Variants in CSMD1 observed in about 807,000 individuals in gnomAD.
The protein encoded by CSMD1 is CUB and sushi domain-containing protein 1.
Under a neutral mutation model 417.5 loss-of-function variants are expected in CSMD1, and 213 were observed. The observed-to-expected ratio is 0.51, with a 90% CI of 0.46 to 0.57. CSMD1 has a LOEUF of 0.57. Among genes scored for constraint, CSMD1 ranks in the 20% least tolerant of loss-of-function variants. CSMD1 has a pLI of 0.00. For missense variants in CSMD1, 6,923 were observed against 4,529.7 expected (o/e 1.53, Z -15.17); for synonymous variants, 2,862 against 1,736.8 (o/e 1.65, Z -16.11).
At chr8:4,402,886 C>G (rs1005687160) in intron 3 of CSMD1, among the ~76,000 whole-genome samples, 5 of 130,464 alleles carry the variant, frequency 3.8e-5, no homozygotes, top group Non-Finnish European at 7.7e-5. Context: ...GCGGCGCAAT[C>G]TGGGCTCACT....
rs1798579021 is a variant in CSMD1, at chr8:4,565,794, A to ATG, written c.302+71547_302+71548insCA. 1.5e-4 allele frequency among the ~76,000 whole-genome samples: 10 copies of ATG among 67,558 alleles called. 1 individual carries two copies. The highest frequency in any genetic ancestry group is 4.7e-4 in the Admixed American group (3 of 6,318). 44.3% of individuals were successfully genotyped at this position (67,558 alleles called of 152,430 possible). On this transcript the variant is annotated intron_variant, in intron 2 of 69. Transcript: ENST00000635120. The stretch of plus-strand genomic sequence containing the variant: ...TATATATATATATATATATATATAT[A>ATG]TATGTATACATATATATATTATATA...
intron 3 of CSMD1, among the ~76,000 whole-genome samples, chr8:4,150,732 T>A (rs1005693611): frequency 1.3e-5 from 2 of 152,208 alleles, no homozygotes; most frequent in Non-Finnish European, 2.9e-5. Context: ...GAATGCAGAT[T>A]AAAAAGGAAT....
intron 3 of CSMD1, among the ~76,000 whole-genome samples, chr8:4,211,643 A>G (rs1186354388): frequency 1.3e-5 from 2 of 152,224 alleles, no homozygotes; most frequent in Non-Finnish European, 2.9e-5. Flanking sequence ...CCATCGTACT[A>G]AAATCTGTAA....
At chr8:4,051,802 A>G (rs1290684871) in intron 3 of CSMD1, among the ~76,000 whole-genome samples, 1 of 152,082 alleles carries the variant, frequency 6.6e-6, no homozygotes, top group African/African-American at 2.4e-5. Context: ...GACACCATAC[A>G]ATACTGACAG....
intron 25 of CSMD1, among the ~76,000 whole-genome samples, chr8:3,303,189 C>A (rs887643035): frequency 6.6e-6 from 1 of 152,168 alleles, no homozygotes; most frequent in Non-Finnish European, 1.5e-5. Context: ...TCTGTCCTGT[C>A]AGGAAAATTC....
At chr8:4,466,690 G>A (rs893970096) in intron 2 of CSMD1, among the ~76,000 whole-genome samples, 5 of 152,056 alleles carry the variant, frequency 3.3e-5, no homozygotes, top group Admixed American at 6.6e-5. Context: ...ATGTTCTCCA[G>A]TCCCAGCTTT....
intron 10 of CSMD1, among the ~76,000 whole-genome samples, chr8:3,558,645 G>A (rs370423518): frequency 0.04 from 5,567 of 139,628 alleles, 463 homozygotes; most frequent in African/African-American, 0.15. Flanking sequence ...ATAGTACCCC[G>A]TGTCCACTCC....
At chr8:4,544,631 T>G (rs902288723) in intron 2 of CSMD1, among the ~76,000 whole-genome samples, 1 of 152,174 alleles carries the variant, frequency 6.6e-6, no homozygotes, top group African/African-American at 2.4e-5. Flanking sequence ...ATAATACAAT[T>G]TAACTATAGT....
intron 7 of CSMD1, among the ~76,000 whole-genome samples, chr8:3,706,568 T>C (rs1460424082): frequency 6.6e-6 from 1 of 152,172 alleles, no homozygotes; most frequent in Non-Finnish European, 1.5e-5. Flanking sequence ...TCAATTTGTG[T>C]TCAGATGAGG....
In CSMD1 at chr8:4,292,487, C is replaced by T. The variant is rs545431098; in HGVS notation, c.415+127466G>A. On this transcript the variant is annotated intron_variant, in intron 3 of 69. Transcript: ENST00000635120. ...CAGAATGGTCTCGATCTGCTGACCT[C>T]GTAATCTGCCTGCCTTGGCCTCCCC... 5.3e-5 allele frequency among the ~76,000 whole-genome samples: 8 copies of T among 152,218 alleles called. No individual in the cohort carries two copies. The South Asian group carries it at 1.5e-3, about 28-fold the overall frequency.
chr8:4,773,027 C>T (rs532078803), intron 1 of CSMD1, among the ~76,000 whole-genome samples: 2 of 152,096 alleles, frequency 1.3e-5, no homozygotes, highest in Non-Finnish European at 2.9e-5. Flanking sequence ...AATGCTCATA[C>T]AGGTTGAATA....
chr8:3,776,807 G>GATAGATATATATATATATAT (rs1554432749), intron 5 of CSMD1, among the ~76,000 whole-genome samples: 6 of 139,936 alleles, frequency 4.3e-5, no homozygotes, highest in African/African-American at 1.1e-4. Context: ...ATATAGACGA[G>GATAGATATATATATATATAT]ATATATATAT....
intron 17 of CSMD1, among the ~76,000 whole-genome samples, chr8:3,394,042 A>C (rs1222584997): frequency 7.6e-6 from 1 of 131,470 alleles, no homozygotes. Flanking sequence ...ATATATATAT[A>C]TATATATATA....
intron 3 of CSMD1, among the ~76,000 whole-genome samples, chr8:4,281,001 G>A (rs979275347): frequency 6.6e-6 from 1 of 152,130 alleles, no homozygotes; most frequent in Non-Finnish European, 1.5e-5. Context: ...GTTTTTAAAT[G>A]TATTAAAATT....
At chr8:3,282,870 C>A (rs141771156) in intron 26 of CSMD1, among the ~76,000 whole-genome samples, 2 of 152,224 alleles carry the variant, frequency 1.3e-5, no homozygotes, top group Non-Finnish European at 2.9e-5. Context: ...CAGTGAGCTG[C>A]CAAGAGATAA....
intron 3 of CSMD1, among the ~76,000 whole-genome samples, chr8:4,257,680 T>A (rs184384182): frequency 6.6e-6 from 1 of 152,300 alleles, no homozygotes; most frequent in Non-Finnish European, 1.5e-5. Flanking sequence ...GGTGCAGCAG[T>A]CTTAGGTATG....
intron 6 of CSMD1, among the ~76,000 whole-genome samples, chr8:3,733,182 C>A (rs1584918182): frequency 6.8e-6 from 1 of 146,880 alleles, no homozygotes; most frequent in African/African-American, 2.7e-5. Context: ...CACACACACA[C>A]ACACACACAC....
chr8:3,848,329 A>G (rs2129098341), intron 5 of CSMD1, among the ~76,000 whole-genome samples: 2 of 152,312 alleles, frequency 1.3e-5, no homozygotes. Context: ...CACCACATCA[A>G]AAGGAGCAAT....
chr8:4,564,701 T>C (rs1022696786), intron 2 of CSMD1, among the ~76,000 whole-genome samples: 3 of 152,168 alleles, frequency 2.0e-5, no homozygotes, highest in African/African-American at 7.2e-5. Context: ...TAACAATGAA[T>C]GCATACCCTG....
Sources: allele counts gnomAD v4.1 joint callset (sites outside exome capture counted in the v4.1 genomes callset), GRCh38; gene constraint gnomAD v4.1.1; transcripts MANE v1.5; gene names NCBI Gene and HGNC (gene_info 2026-07-23, HGNC 2026-07-21).